The following JAK1 variants were observed in gnomAD, a reference collection of about 807,000 sequenced individuals.
The protein encoded by JAK1 is Janus kinase 1.
A neutral mutation model predicts 136.6 loss-of-function variants in JAK1; 16 were observed. The observed-to-expected ratio is 0.12, with a 90% CI of 0.08 to 0.18. The LOEUF (loss-of-function observed/expected upper bound fraction) is 0.18, where lower values mean the gene tolerates loss of function less well. JAK1 is among the 10% of genes least tolerant of loss of function. The probability of loss-of-function intolerance (pLI) is 1.00; values close to 1 mark genes in which losing one functional copy is unlikely to be tolerated. For missense variants in JAK1, 859 were observed against 1,450.1 expected (o/e 0.59, Z 6.62); for synonymous variants, 492 against 519.5 (o/e 0.95, Z 0.72).
At chr1:65,028,860 T>A (rs1229214607) in intron 2 of JAK1, among the ~76,000 whole-genome samples, 3 of 152,194 alleles carry the variant, frequency 2.0e-5, no homozygotes, top group Non-Finnish European at 4.4e-5. Context: ...ACTGGAAGTA[T>A]GGAATTTAAA....
chr1:64,853,484 T>C (rs1372475391), intron 11 of JAK1, among the ~76,000 whole-genome samples: 4 of 152,200 alleles, frequency 2.6e-5, no homozygotes, highest in Non-Finnish European at 5.9e-5. Flanking sequence ...TCTGGGTTAT[T>C]TTGAGGACTA....
chr1:64,998,194 A>G (rs564566573), intron 2 of JAK1, among the ~76,000 whole-genome samples: 2 of 152,356 alleles, frequency 1.3e-5, no homozygotes, highest in African/African-American at 4.8e-5. Context: ...TGGATTATAT[A>G]TTAGAATGTC....
intron 1 of JAK1, among the ~76,000 whole-genome samples, chr1:64,955,735 G>A (rs147182229): frequency 7.2e-4 from 110 of 152,336 alleles, no homozygotes; most frequent in African/African-American, 2.5e-3. Context: ...GACATAGAGT[G>A]CGCAATGATA....
intron 2 of JAK1, among the ~76,000 whole-genome samples, chr1:64,994,108 T>C (rs892566037): frequency 2.6e-5 from 4 of 152,110 alleles, no homozygotes; most frequent in African/African-American, 9.7e-5. Context: ...GCCCAGCTAA[T>C]TTTTGTATTT....
intron 1 of JAK1, among the ~76,000 whole-genome samples, chr1:64,912,138 G>C (rs1473248442): frequency 6.6e-6 from 1 of 152,152 alleles, no homozygotes; most frequent in Non-Finnish European, 1.5e-5. Context: ...AAAAATATAT[G>C]AATTCCAATC....
At chr1:64,988,950 A>G (rs1261444180) in intron 2 of JAK1, among the ~76,000 whole-genome samples, 3 of 124,674 alleles carry the variant, frequency 2.4e-5, no homozygotes, top group Non-Finnish European at 5.1e-5. Context: ...ATGTATGTGT[A>G]TATATATGTA....
intron 1 of JAK1, among the ~76,000 whole-genome samples, chr1:64,891,574 C>T (rs1030114795): frequency 3.3e-5 from 5 of 152,184 alleles, no homozygotes; most frequent in Non-Finnish European, 7.3e-5. Flanking sequence ...AGCCTCCTAA[C>T]AGCCTAACCT....
chr1:64,853,976 G>A (rs1344483173), intron 11 of JAK1, among the ~76,000 whole-genome samples: 1 of 152,220 alleles, frequency 6.6e-6, no homozygotes, highest in Non-Finnish European at 1.5e-5. Flanking sequence ...AAATAGGGCT[G>A]TTGGGCTTTA....
At chr1:64,974,905 G>GT (rs1458957763) in intron 2 of JAK1, among the ~76,000 whole-genome samples, 5 of 148,084 alleles carry the variant, frequency 3.4e-5, no homozygotes, top group Non-Finnish European at 5.9e-5. Flanking sequence ...GTTTTGTTTT[G>GT]TTTTTTGTTT....
intron 2 of JAK1, chr1:64,985,432 C>A (rs1646589333): frequency 6.2e-7 from 1 of 1,607,894 alleles, no homozygotes; most frequent in Non-Finnish European, 8.5e-7. Flanking sequence ...ATCTCCTTAG[C>A]ATTCTCCTCT....
At chr1:64,982,269 A>G (rs1414831720) in intron 2 of JAK1, among the ~76,000 whole-genome samples, 3 of 152,110 alleles carry the variant, frequency 2.0e-5, no homozygotes, top group African/African-American at 7.2e-5. Context: ...CAGGTCTGAC[A>G]TTCAGATGAG....
Position 64,883,397 on chromosome 1 carries a change from G to T in JAK1, c.85C>A (p.Leu29Met). ...TCCACCCCTGGCTCAGGGGCCTCCA[G>T]GTTCACCTCAGTCTTCTTGGAGCTC... Reference protein sequence around the residue: ...MRSSKKTEVNLEAPEPGVEVI... With the variant: ...MRSSKKTEVNMEAPEPGVEVI... The change falls in exon 3 of 25, where the codon CTG becomes ATG. Residue 29 changes from leucine to methionine, a missense_variant. By Grantham distance (15) the Leu-to-Met change is conservative. Transcript: ENST00000342505. The T allele has an allele frequency of 6.2e-7, 1 of 1,614,134 alleles. No individual in the cohort carries two copies. Among genetic ancestry groups the T allele is most frequent in the East Asian group, 2.2e-5 (1 of 44,878 alleles).
Position 64,930,006 on chromosome 1 carries a change from C to G in JAK1, c.-78+36327G>C, listed in dbSNP as rs1040108396. Reference sequence around the variant, plus strand: ...GCAGAAAACTGAAACTGGACACCTTCCTTACACCTTATACAAAAATTAACT... The same window carrying G: ...GCAGAAAACTGAAACTGGACACCTTGCTTACACCTTATACAAAAATTAACT... On this transcript the variant is annotated intron_variant, in intron 1 of 24. Coordinates refer to ENST00000342505, the MANE Select transcript of JAK1 (RefSeq NM_002227.4). Among the ~76,000 whole-genome samples the G allele has an allele frequency of 4.6e-5, 7 of 152,312 alleles. No homozygotes were observed. In the East Asian group the frequency reaches 1.4e-3, roughly 29 times the overall value.
At chr1:65,063,804 C>CAAAAAAAAAAAAAAAAA (rs370192253) in intron 1 of JAK1, among the ~76,000 whole-genome samples, 9 of 81,302 alleles carry the variant, frequency 1.1e-4, no homozygotes, top group South Asian at 8.1e-4. Context: ...GACTCTATCT[C>CAAAAAAAAAAAAAAAAA]AAAAAAAAAA....
At chr1:64,937,809 G>A (rs936312322) in intron 1 of JAK1, among the ~76,000 whole-genome samples, 2 of 152,118 alleles carry the variant, frequency 1.3e-5, no homozygotes, top group African/African-American at 2.4e-5. Flanking sequence ...CCCAACCATC[G>A]ATCACTCCAA....
At chr1:64,901,049 ACTGT>A (rs1469207923) in intron 1 of JAK1, among the ~76,000 whole-genome samples, 4 of 152,106 alleles carry the variant, frequency 2.6e-5, no homozygotes, top group Non-Finnish European at 5.9e-5. Flanking sequence ...CTGCTCCCTA[ACTGT>A]CTGTAGAATC....
chr1:64,870,889 A>G (rs906824444), intron 5 of JAK1, among the ~76,000 whole-genome samples: 3 of 152,188 alleles, frequency 2.0e-5, no homozygotes, highest in African/African-American at 7.2e-5. Context: ...AGAGCAAAGG[A>G]AAACCTGAAA....
rs958287193 is a variant in JAK1, at chr1:65,022,324, T to G, written c.-78+22156A>C. 2.0e-5 allele frequency among the ~76,000 whole-genome samples: 3 copies of G among 152,228 alleles called. No homozygotes were observed. The South Asian group carries it at 6.2e-4, about 31-fold the overall frequency. On this transcript the variant is annotated intron_variant, in intron 2 of 25. Coordinates refer to the JAK1 transcript ENST00000671954. The stretch of plus-strand genomic sequence containing the variant: ...ATTTTTTTATTTTTTTATTTTTTCT[T>G]GGTCACAGAGAAGTCCATGCTAGTG...
In JAK1 at chr1:64,838,501, G is replaced by A; in HGVS notation, c.2931C>T (p.Leu977=). The part of the protein sequence containing the change: ...YLPKNKNKIN[L]KQQLKYAVQI... ...GAACGGCATATTTTAGCTGCTGTTT[G>A]AGGTTTATTTTGTTCTTATTCTTTG... The change falls in exon 21 of 25, where the codon CTC becomes CTT. Residue 977 remains leucine, a synonymous_variant. Transcript: ENST00000342505. 2.5e-6 allele frequency: 4 copies of A among 1,613,944 alleles called. No individual in the cohort carries two copies. Among genetic ancestry groups the A allele is most frequent in the Non-Finnish European group, 3.4e-6 (4 of 1,179,876 alleles).
Sources: gnomAD v4.1 joint callset for allele counts (sites outside exome capture counted in the v4.1 genomes callset) on GRCh38, gnomAD v4.1.1 for gene constraint, MANE v1.5 for transcripts, NCBI Gene and HGNC (gene_info 2026-07-23, HGNC 2026-07-21) for gene names.